CABP4: variants seen among roughly 807,000 people sequenced by gnomAD.
CABP4 encodes the protein calcium-binding protein 4.
In CABP4, 30 loss-of-function variants were observed where a neutral mutation model predicts 30.7. That is an observed-to-expected ratio of 0.98 (90% confidence interval 0.73 to 1.33). The LOEUF (loss-of-function observed/expected upper bound fraction) is 1.33, where lower values mean the gene tolerates loss of function less well. CABP4 is among the 40% of genes most tolerant of loss of function. The pLI is 0.00. For synonymous variants in CABP4, 161 were observed against 159.2 expected, an observed-to-expected ratio of 1.01 and a Z score of -0.08; for missense variants, 424 against 395.5, an observed-to-expected ratio of 1.07 and a Z score of -0.61.
In CABP4 at chr11:67,456,581, G is replaced by A. The variant is rs971083732; in HGVS notation, c.541+139G>A. The A allele has an allele frequency of 4.3e-5, 48 of 1,103,544 alleles. No individual in the cohort carries two copies. In the South Asian group the frequency reaches 5.5e-4, roughly 13 times the overall value. 68.4% of individuals were successfully genotyped at this position (1,103,544 alleles called of 1,614,324 possible). Reference sequence around the variant, plus strand: ...GTGGCGGTTTCCAGGCAGGGGCACCGGGTTCAAGCTCCTGCCTCTCTGTGT... The same window carrying A: ...GTGGCGGTTTCCAGGCAGGGGCACCAGGTTCAAGCTCCTGCCTCTCTGTGT... On this transcript the variant is annotated intron_variant, in intron 3 of 5. Transcript: ENST00000325656.
upstream of CABP4, chr11:67,452,521 C>T (rs1416665224): frequency 6.2e-7 from 1 of 1,607,576 alleles, no homozygotes; most frequent in South Asian, 1.1e-5. Context: ...TGAGCAGGAG[C>T]AGCGCCAGAC....
Position 67,455,537 on chromosome 11 carries a change from C to G in CABP4, c.114C>G (p.Thr38=). 1 of 1,603,316 alleles carries G rather than the reference C, an allele frequency of 6.2e-7. No individual in the cohort carries two copies. Among genetic ancestry groups the G allele is most frequent in the Non-Finnish European group, 8.5e-7 (1 of 1,176,124 alleles). The change falls in exon 1 of 6, where the codon ACC becomes ACG. Residue 38 remains threonine, a synonymous_variant. Transcript: ENST00000325656. The part of the protein sequence containing the change: ...PKSDAEEPPL[T]RKRSKKERGL... ...GTGATGCAGAGGAGCCCCCGTTGAC[C>G]AGGAAGAGGAGCAAGAAGGAGAGGG...
In CABP4 at chr11:67,458,859, G is replaced by A; in HGVS notation, c.*200G>A. ...CTCATCCTTACCTCCTCCTACTCAAGCTGCCTGGAGAAGACCTGCTCTCAG... is the reference window on the plus strand; with the variant it reads ...CTCATCCTTACCTCCTCCTACTCAAACTGCCTGGAGAAGACCTGCTCTCAG... On this transcript the variant is annotated 3_prime_UTR_variant, in exon 6 of 6. Transcript: ENST00000325656. 1.5e-6 allele frequency: 1 copy of A among 664,756 alleles called. No homozygotes were observed. Among genetic ancestry groups the A allele is most frequent in the Admixed American group, 2.2e-5 (1 of 45,424 alleles). The allele number at this position is 664,756 out of a possible 1,614,324, so 41.2% of individuals were successfully genotyped here.
upstream of CABP4, chr11:67,455,311 C>T: frequency 2.1e-6 from 3 of 1,423,258 alleles, no homozygotes; most frequent in Non-Finnish European, 9.4e-7. Context: ...CCCCTCAGAG[C>T]CCGATCCTAG....
intron 3 of CABP4, among the ~76,000 whole-genome samples, 181 bp from the exon 4 acceptor site, chr11:67,457,392 G>C (rs1864850492): frequency 6.6e-6 from 1 of 152,236 alleles, no homozygotes; most frequent in Non-Finnish European, 1.5e-5. Context: ...AGCAGAAGCA[G>C]CCCTGGTACC....
chr11:67,458,731 C>A lies in CABP4; in HGVS notation c.*72C>A. On this transcript the variant is annotated 3_prime_UTR_variant, in exon 6 of 6. Transcript: ENST00000325656. Reference sequence around the variant, plus strand: ...CCAGACCCAGGCTGCAGGCCTCCCCCAGGAGCCTCCAGGATGGAGATGGAG... The same window carrying A: ...CCAGACCCAGGCTGCAGGCCTCCCCAAGGAGCCTCCAGGATGGAGATGGAG... The A allele has an allele frequency of 1.3e-6, 2 of 1,575,844 alleles. No individual in the cohort carries two copies.
chr11:67,455,827 G>C (rs1374670698), intron 1 of CABP4, 38 bp downstream of exon 1: 2 of 1,548,750 alleles, frequency 1.3e-6, no homozygotes, highest in Non-Finnish European at 1.7e-6. Context: ...GGTCCTGGGG[G>C]TGGGGCTGGA....
In CABP4 at chr11:67,456,335, G is replaced by T. The variant is rs754884992; in HGVS notation, c.434G>T (p.Arg145Leu). 6 of 1,613,790 alleles carry T rather than the reference G, an allele frequency of 3.7e-6. No homozygotes were observed. Among genetic ancestry groups the T allele is most frequent in the Non-Finnish European group, 3.4e-6 (4 of 1,180,004 alleles). Residue 145 changes from arginine (R) to leucine (L), a missense_variant, in exon 3 of 6, where the codon CGT becomes CTT. Coordinates refer to ENST00000325656, the MANE Select transcript of CABP4 (RefSeq NM_145200.5). ...GCCTTCGAGGAGTTTGACACTGACC[G>T]TGACGGCTACATCAGCCACCGGGAG... ...QAAFEEFDTD[R>L]DGYISHRELG...
Position 67,457,640 on chromosome 11 carries a change from G to T in CABP4, c.609G>T (p.Ala203=). ...GCCCAAAGCTGAGGGAGGAGACGGC[G>T]CACATGCTGGGGGTGCGAGAGCTGC... ...LIGPKLREET[A]HMLGVRELRI... is the part of the protein sequence containing the mutation. The change falls in exon 4 of 6, where the codon GCG becomes GCT. Residue 203 remains alanine, a synonymous_variant. Transcript: ENST00000325656. 6.2e-7 allele frequency: 1 copy of T among 1,604,816 alleles called. No homozygotes were observed. The highest frequency in any genetic ancestry group is 8.5e-7 in the Non-Finnish European group (1 of 1,175,904).
upstream of CABP4, chr11:67,453,030 T>TC (rs398016500): frequency 3.5e-6 from 1 of 288,798 alleles, no homozygotes; most frequent in Non-Finnish European, 6.5e-6. Flanking sequence ...TTTTTTTTTT[T>TC]GAGAGACAGG....
At chr11:67,455,866 G>T in intron 1 of CABP4, 77 bp downstream of exon 1, 2 of 1,497,544 alleles carry the variant, frequency 1.3e-6, no homozygotes, top group Non-Finnish European at 1.8e-6. Flanking sequence ...AGCTCACCCT[G>T]CCCCTGAGAG....
chr11:67,454,270 G>A (rs1864676579), upstream of CABP4, among the ~76,000 whole-genome samples: 1 of 152,194 alleles, frequency 6.6e-6, no homozygotes, highest in African/African-American at 2.4e-5. Context: ...AGGGCGATGA[G>A]AGCCCAGGTG....
intron 1 of CABP4, 75 bp downstream of exon 1, chr11:67,455,864 C>T (rs1164662565): frequency 6.6e-7 from 1 of 1,509,582 alleles, no homozygotes; most frequent in Non-Finnish European, 8.9e-7. Context: ...TCAGCTCACC[C>T]TGCCCCTGAG....
upstream of CABP4, chr11:67,452,673 T>C (rs373833267): frequency 1.2e-6 from 2 of 1,602,480 alleles, no homozygotes; most frequent in African/African-American, 2.7e-5. Flanking sequence ...TCAAGCTCTG[T>C]GCGGGGCCTG....
rs1283565318 is a variant in CABP4 at position 67,455,611 on chromosome 11, GC to G, written c.192del (p.Glu65ArgfsTer67). On this transcript the variant is annotated frameshift_variant, in exon 1 of 6. Coordinates refer to ENST00000325656, the MANE Select transcript of CABP4 (RefSeq NM_145200.5). LOFTEE classifies it high-confidence loss of function. ...ACTGGCAGCTCTGGGGAGCAGACAG[GC>G]CCCGAGGCCCCGGGGAGCAGCAATA... The part of the protein sequence containing the change: ...KRTGSSGEQT[G>X]PEAPGSSNNP... 4 of 1,606,706 alleles carry G rather than the reference GC, an allele frequency of 2.5e-6. No homozygotes were observed. The highest frequency in any genetic ancestry group is 3.4e-6 in the Non-Finnish European group (4 of 1,177,952).
chr11:67,458,822 T>A lies in CABP4; in HGVS notation c.*163T>A. On this transcript the variant is annotated 3_prime_UTR_variant, in exon 6 of 6. Coordinates refer to ENST00000325656, the MANE Select transcript of CABP4 (RefSeq NM_145200.5). ...TGGCCTCAATGTTGGCTTGTTATGT[T>A]ACCTGCCCACCCTCATCCTTACCTC... is the stretch of plus-strand genomic sequence containing the variant. The A allele has an allele frequency of 1.2e-6, 1 of 808,748 alleles. No homozygotes were observed. Among genetic ancestry groups the A allele is most frequent in the Non-Finnish European group, 2.0e-6 (1 of 487,978 alleles). The allele number at this position is 808,748 out of a possible 1,614,324, so 50.1% of individuals were successfully genotyped here.
chr11:67,460,516 TACACACAC>T lies in CABP4; in HGVS notation c.*1877_*1884del, dbSNP rs35146220. ...AAAAAAATAAAGTATATTTTATATA[TACACACAC>T]ACACACACACACACACACAGCCATT... On this transcript the variant is annotated 3_prime_UTR_variant, in exon 6 of 6. Transcript: ENST00000325656. Among the ~76,000 whole-genome samples the T allele has an allele frequency of 1.3e-5, 2 of 149,380 alleles. No homozygotes were observed. The highest frequency in any genetic ancestry group is 3.0e-5 in the Non-Finnish European group (2 of 67,216).
chr11:67,458,884 G>A lies in CABP4; in HGVS notation c.*225G>A, dbSNP rs1198018314. On this transcript the variant is annotated 3_prime_UTR_variant, in exon 6 of 6. Coordinates refer to ENST00000325656, the MANE Select transcript of CABP4 (RefSeq NM_145200.5). The stretch of plus-strand genomic sequence containing the variant: ...GCTGCCTGGAGAAGACCTGCTCTCA[G>A]CTGCCCACCGTTCCTCAGTGTGAGC... 2 of 622,220 alleles carry A rather than the reference G, an allele frequency of 3.2e-6. No individual in the cohort carries two copies. Among genetic ancestry groups the A allele is most frequent in the Non-Finnish European group, 5.8e-6 (2 of 345,250 alleles). The allele number at this position is 622,220 out of a possible 1,614,324, so 38.5% of individuals were successfully genotyped here. A position where few individuals can be genotyped will look rare whatever the true frequency, so the allele number is the denominator to read the frequency against.
upstream of CABP4, among the ~76,000 whole-genome samples, chr11:67,454,212 C>T (rs1338812072): frequency 6.6e-6 from 1 of 152,164 alleles, no homozygotes; most frequent in Non-Finnish European, 1.5e-5. Context: ...AGGCCTGCAG[C>T]CCCACCTCGC....
Sources: gnomAD v4.1 joint callset for allele counts (sites outside exome capture counted in the v4.1 genomes callset) on GRCh38, gnomAD v4.1.1 for gene constraint, MANE v1.5 for transcripts, NCBI Gene and HGNC (gene_info 2026-07-23, HGNC 2026-07-21) for gene names.